The following ATE1 variants were observed in gnomAD, a reference collection of about 807,000 sequenced individuals.
ATE1 encodes the protein arginyltransferase 1.
In ATE1, 36 loss-of-function variants were observed where a neutral mutation model predicts 70.5. The ratio of observed to expected loss-of-function variants is 0.51; its 90% confidence interval spans 0.39 to 0.67. The LOEUF (loss-of-function observed/expected upper bound fraction) is 0.67. ATE1 is among the 30% of genes least tolerant of loss of function. ATE1 has a pLI of 0.00. For synonymous variants in ATE1, 232 were observed against 219.3 expected (o/e 1.06, Z -0.51); for missense variants, 593 against 629.5 (o/e 0.94, Z 0.62).
At chr10:121,900,145 T>A in intron 6 of ATE1, 151 bp from the exon 7 acceptor site, 3 of 848,332 alleles carry the variant, frequency 3.5e-6, no homozygotes, top group Non-Finnish European at 5.2e-6. Flanking sequence ...AACCAGTTAG[T>A]AAATAAAGAA....
intron 10 of ATE1, among the ~76,000 whole-genome samples, chr10:121,790,711 C>T (rs1177201313): frequency 6.6e-6 from 1 of 152,108 alleles, no homozygotes; most frequent in Non-Finnish European, 1.5e-5. Context: ...TTTCACTATC[C>T]TTAATGACAA....
intron 11 of ATE1, among the ~76,000 whole-genome samples, chr10:121,757,725 T>C (rs963738531): frequency 6.6e-6 from 1 of 152,302 alleles, no homozygotes. Context: ...GCCTCCATAA[T>C]TCAATCATTC....
chr10:121,910,849 A>G (rs1455912964), intron 5 of ATE1, 57 bp downstream of exon 5: 11 of 1,610,024 alleles, frequency 6.8e-6, no homozygotes, highest in Non-Finnish European at 8.5e-7. Flanking sequence ...AGGGTTTAAA[A>G]TGACTCAGCA....
At chr10:121,822,759 T>A (rs575354741) in intron 10 of ATE1, among the ~76,000 whole-genome samples, 43 of 152,128 alleles carry the variant, frequency 2.8e-4, no homozygotes, top group African/African-American at 6.7e-4. Context: ...CCAAAAAAAA[T>A]TTTTTTTAAT....
intron 10 of ATE1, among the ~76,000 whole-genome samples, chr10:121,810,080 C>A (rs1947259906): frequency 6.6e-6 from 1 of 152,158 alleles, no homozygotes; most frequent in Admixed American, 6.5e-5. Context: ...AAGAACAACT[C>A]TGCTACGAAT....
At chr10:121,874,070 T>C (rs1439717005) in intron 7 of ATE1, among the ~76,000 whole-genome samples, 1 of 152,166 alleles carries the variant, frequency 6.6e-6, no homozygotes, top group Non-Finnish European at 1.5e-5. Flanking sequence ...TCCTATAATT[T>C]GTCAGGGGAC....
chr10:121,744,402 G>C (rs1944263227), intron 11 of ATE1, among the ~76,000 whole-genome samples: 1 of 152,084 alleles, frequency 6.6e-6, no homozygotes, highest in African/African-American at 2.4e-5. Context: ...GATGACAGCT[G>C]AAACACCAAG....
intron 11 of ATE1, 122 bp downstream of exon 11, chr10:121,790,047 C>CA: frequency 1.4e-6 from 2 of 1,392,140 alleles, no homozygotes; most frequent in South Asian, 2.7e-5. Context: ...CACACACACT[C>CA]ATGCACAGCA....
intron 9 of ATE1, among the ~76,000 whole-genome samples, chr10:121,839,795 C>G (rs188961857): frequency 6.6e-6 from 1 of 152,196 alleles, no homozygotes; most frequent in Admixed American, 6.5e-5. Context: ...GCCACTGAAA[C>G]ACACACAAAA....
At chr10:121,764,976 C>T (rs1384821716) in intron 11 of ATE1, among the ~76,000 whole-genome samples, 3 of 152,192 alleles carry the variant, frequency 2.0e-5, no homozygotes, top group Admixed American at 1.3e-4. Flanking sequence ...TCATTACTGT[C>T]GATCTCCAAG....
rs77875925 is a variant in ATE1, at chr10:121,788,819, A to G, written c.1378+1350T>C. On this transcript the variant is annotated intron_variant, in intron 11 of 11. Transcript: ENST00000224652. ...TAAGCACAACTGAGAATATCAAGGA[A>G]CTTTAAGGGGAAGACAAGCATGTCA... 9.5e-3 allele frequency among the ~76,000 whole-genome samples: 1,442 copies of G among 152,348 alleles called. 26 individuals carry two copies. The highest frequency in any genetic ancestry group is 0.032 in the African/African-American group (1,339 of 41,582).
intron 8 of ATE1, among the ~76,000 whole-genome samples, chr10:121,865,626 C>T (rs1475079776): frequency 6.6e-6 from 1 of 152,138 alleles, no homozygotes; most frequent in Non-Finnish European, 1.5e-5. Flanking sequence ...CAGGGGAGTA[C>T]ATATCAGCAG....
intron 8 of ATE1, among the ~76,000 whole-genome samples, chr10:121,863,945 C>G (rs1184330481): frequency 6.6e-6 from 1 of 152,100 alleles, no homozygotes; most frequent in African/African-American, 2.4e-5. Flanking sequence ...TTTACTCTAG[C>G]CTTTTACTTT....
intron 7 of ATE1, among the ~76,000 whole-genome samples, chr10:121,884,277 T>C (rs1423413894): frequency 6.6e-6 from 1 of 152,128 alleles, no homozygotes; most frequent in African/African-American, 2.4e-5. Flanking sequence ...GATTTTGTGA[T>C]CTGAGACAAG....
chr10:121,857,793 T>C (rs922056695), intron 8 of ATE1, among the ~76,000 whole-genome samples: 2 of 152,048 alleles, frequency 1.3e-5, no homozygotes, highest in African/African-American at 4.8e-5. Flanking sequence ...CATCCATAAT[T>C]TTTTTGATCA....
chr10:121,866,846 CAA>C (rs35535465), intron 8 of ATE1, among the ~76,000 whole-genome samples: 182 of 102,902 alleles, frequency 1.8e-3, no homozygotes, highest in Middle Eastern at 4.8e-3. Flanking sequence ...GACTCTGTCT[CAA>C]AAAAAAAAAA....
intron 11 of ATE1, among the ~76,000 whole-genome samples, chr10:121,780,334 C>T (rs1167688954): frequency 6.6e-6 from 1 of 152,164 alleles, no homozygotes; most frequent in South Asian, 2.1e-4. Flanking sequence ...CCCTCCCCAC[C>T]ACCAAACACA....
At chr10:121,819,999 A>G (rs1380540508) in intron 10 of ATE1, among the ~76,000 whole-genome samples, 3 of 152,092 alleles carry the variant, frequency 2.0e-5, no homozygotes, top group Non-Finnish European at 4.4e-5. Context: ...TAGAAAAATT[A>G]GCCAGGCATG....
intron 10 of ATE1, among the ~76,000 whole-genome samples, chr10:121,832,754 C>T (rs576448225): frequency 6.6e-4 from 101 of 152,226 alleles, no homozygotes; most frequent in African/African-American, 2.3e-3. Flanking sequence ...TTATCAGCAG[C>T]GTGAAAACGG....
Sources: gnomAD v4.1 joint callset for allele counts (sites outside exome capture counted in the v4.1 genomes callset) on GRCh38, gnomAD v4.1.1 for gene constraint, MANE v1.5 for transcripts, NCBI Gene and HGNC (gene_info 2026-07-23, HGNC 2026-07-21) for gene names.